TH: variants seen among roughly 807,000 people sequenced by gnomAD.
The protein encoded by TH is tyrosine hydroxylase.
In TH, 49 loss-of-function variants were observed where a neutral mutation model predicts 57.4. That is an observed-to-expected ratio of 0.85 (90% CI 0.68 to 1.08). TH has a LOEUF of 1.08. Among genes scored for constraint, TH ranks in the 50% least tolerant of loss-of-function variants. The pLI, the probability that TH is intolerant of heterozygous loss-of-function variation, is 0.00. For missense variants in TH, 720 were observed against 696.7 expected, an observed-to-expected ratio of 1.03 and a Z score of -0.38; for synonymous variants, 330 against 304.5, an observed-to-expected ratio of 1.08 and a Z score of -0.87.
rs1489590318 is a variant in TH, at chr11:2,170,576, C to T, written c.91-705G>A. ...GGCTCATCCCTTGGAGCTGAACTCC[C>T]AAGAAGGCTCTGGGCCCCTTGTAAG... On this transcript the variant is annotated intron_variant, in intron 1 of 12. Transcript: ENST00000352909. The surrounding 1 kb of genome is among the most constrained non-coding windows in gnomAD (Gnocchi z 6.0). The T allele has an allele frequency of 1.0e-6, 1 of 978,442 alleles. No individual in the cohort carries two copies. 60.6% of individuals were successfully genotyped at this position (978,442 alleles called of 1,614,324 possible). A position where few individuals can be genotyped will look rare whatever the true frequency, so the allele number is the denominator to read the frequency against.
Position 2,167,851 on chromosome 11 carries a change from G to C in TH, c.644+15C>G, listed in dbSNP as rs191712999. The C allele has an allele frequency of 1.3e-6, 2 of 1,593,530 alleles. No individual in the cohort carries two copies. Among genetic ancestry groups the C allele is most frequent in the Non-Finnish European group, 1.7e-6 (2 of 1,169,802 alleles). Reference sequence around the variant, plus strand: ...GCAGGACGGAGTCTGGGTCCCGAGCGCAGGGGCCCCTCACTGCCTGTACTG... The same window carrying C: ...GCAGGACGGAGTCTGGGTCCCGAGCCCAGGGGCCCCTCACTGCCTGTACTG... On this transcript the variant is annotated intron_variant, in intron 5 of 12. Transcript: ENST00000352909.
intron 11 of TH, 88 bp downstream of exon 11, chr11:2,165,580 T>C (rs571575239): frequency 6.9e-7 from 1 of 1,452,658 alleles, no homozygotes; most frequent in African/African-American, 1.4e-5. Flanking sequence ...CAGGCCTCAG[T>C]TTCCTCCCAC....
At position 2,167,179 on chromosome 11, in the gene TH, C is replaced by T. The variant is rs1267733590; in HGVS notation, c.696-147G>A. On this transcript the variant is annotated intron_variant, in intron 6 of 12. Coordinates refer to ENST00000352909, the MANE Select transcript of TH (RefSeq NM_000360.4). ...TGAAGACCCAGGCCCCCGGGAGGGG[C>T]TTTTGCTGGTGGCTTTAGGGAATCC... The T allele has an allele frequency of 1.2e-5, 15 of 1,256,702 alleles. No homozygotes were observed. In the African/African-American group the frequency reaches 1.7e-4, roughly 14 times the overall value. The allele number at this position is 1,256,702 out of a possible 1,614,324, so 77.8% of individuals were successfully genotyped here. A position where few individuals can be genotyped will look rare whatever the true frequency, so the allele number is the denominator to read the frequency against.
chr11:2,164,058 C>A lies in TH; in HGVS notation c.*175G>T. ...CAGGACCTCACCACAGGCAGCACAA[C>A]CTCACCACGGGCACACACAGCTGTT... On this transcript the variant is annotated 3_prime_UTR_variant, in exon 13 of 13. Coordinates refer to ENST00000352909, the MANE Select transcript of TH (RefSeq NM_000360.4). 1 of 534,418 alleles carries A rather than the reference C, an allele frequency of 1.9e-6. No homozygotes were observed. The highest frequency in any genetic ancestry group is 2.9e-6 in the Non-Finnish European group (1 of 341,500). 33.1% of individuals were successfully genotyped at this position (534,418 alleles called of 1,614,324 possible).
At chr11:2,167,975 G>T in intron 4 of TH, 42 bp from the exon 5 acceptor site, 1 of 1,609,746 alleles carries the variant, frequency 6.2e-7, no homozygotes, top group Non-Finnish European at 8.5e-7. Flanking sequence ...GCTGTGCTGG[G>T]GTGGGGGCAC....
At chr11:2,167,630 A>C (rs762612252) in intron 5 of TH, 145 bp from the exon 6 acceptor site, 28 of 1,153,948 alleles carry the variant, frequency 2.4e-5, no homozygotes, top group Non-Finnish European at 3.3e-5. Context: ...GGTGCACCCC[A>C]GCTGACTGTG....
chr11:2,167,797 C>A, intron 5 of TH, 69 bp downstream of exon 5: 1 of 1,528,210 alleles, frequency 6.5e-7, no homozygotes, highest in Admixed American at 1.9e-5. Flanking sequence ...TTGTCCTTCC[C>A]TCCCACCCCC....
In TH at chr11:2,166,558, AGGAG is replaced by A; in HGVS notation, c.978-13_978-10del. On this transcript the variant is annotated splice_polypyrimidine_tract_variant and intron_variant, in intron 8 of 12. Transcript: ENST00000352909. The stretch of plus-strand genomic sequence containing the variant: ...GCTCGTGGCAGCAGTCCCTGCGCGT[AGGAG>A]GGAGAAGGGGGCTGAGGGGCCGCCC... 1 of 1,599,158 alleles carries A rather than the reference AGGAG, an allele frequency of 6.3e-7. No individual in the cohort carries two copies. Among genetic ancestry groups the A allele is most frequent in the Non-Finnish European group, 8.5e-7 (1 of 1,175,040 alleles).
chr11:2,166,598 C>G (rs774359678), intron 8 of TH, 35 bp downstream of exon 8: 7 of 1,584,398 alleles, frequency 4.4e-6, no homozygotes, highest in Non-Finnish European at 5.1e-6. Flanking sequence ...GTCGCACCCC[C>G]CACCCTCGGG....
chr11:2,166,140 C>G (rs1004925802), intron 9 of TH, 82 bp from the exon 10 acceptor site: 111 of 1,450,934 alleles, frequency 7.7e-5, no homozygotes, highest in Non-Finnish European at 1.0e-4. Context: ...TGTCAGCAGC[C>G]CCTCCAGGGG....
chr11:2,164,228 T>C lies in TH; in HGVS notation c.*5A>G, dbSNP rs1846015748. On this transcript the variant is annotated 3_prime_UTR_variant, in exon 13 of 13. Transcript: ENST00000352909. ...TTGGGAAGGGCCCTCAGGGACGCCGTGCACCTAGCCAATGGCACTCAGCGC... is the reference window on the plus strand; with the variant it reads ...TTGGGAAGGGCCCTCAGGGACGCCGCGCACCTAGCCAATGGCACTCAGCGC... The C allele has an allele frequency of 1.4e-6, 2 of 1,452,626 alleles. No homozygotes were observed. Among genetic ancestry groups the C allele is most frequent in the Non-Finnish European group, 1.8e-6 (2 of 1,098,380 alleles). 90.0% of individuals were successfully genotyped at this position (1,452,626 alleles called of 1,614,324 possible).
intron 12 of TH, 111 bp downstream of exon 12, chr11:2,165,121 C>G: frequency 1.3e-6 from 2 of 1,555,362 alleles, no homozygotes; most frequent in Non-Finnish European, 1.8e-6. Flanking sequence ...GGTCGGTTTT[C>G]TCATCTGTGA....
At chr11:2,165,550 G>T in intron 11 of TH, 118 bp downstream of exon 11, 2 of 1,359,670 alleles carry the variant, frequency 1.5e-6, no homozygotes, top group Non-Finnish European at 1.0e-6. Flanking sequence ...CTCCCAAACA[G>T]AGCCTGAGTC....
At chr11:2,166,222 T>C in intron 9 of TH, 164 bp from the exon 10 acceptor site, 1 of 921,192 alleles carries the variant, frequency 1.1e-6, no homozygotes, top group Non-Finnish European at 1.7e-6. Context: ...CCGGGCCTCC[T>C]CCTCCAGGCA....
rs1846110049 is a variant in TH, at chr11:2,166,910, T to C, written c.818A>G (p.Glu273Gly). 2.5e-6 allele frequency: 4 copies of C among 1,604,570 alleles called. No homozygotes were observed. Among genetic ancestry groups the C allele is most frequent in the African/African-American group, 1.3e-5 (1 of 74,838 alleles). Residue 273 changes from glutamate (E) to glycine (G), a missense_variant, in exon 7 of 13, where the codon GAG becomes GGG. Physicochemically the swap from Glu to Gly is moderately conservative, Grantham distance 98 (BLOSUM62 -2). Coordinates refer to ENST00000352909, the MANE Select transcript of TH (RefSeq NM_000360.4). ...ACCCTTCAGGAAGCGGGAGACGTCC[T>C]CCAGCTGGGGGATATTGTCTTCCCG... is the stretch of plus-strand genomic sequence containing the variant. The part of the protein sequence containing the change: ...GYREDNIPQL[E>G]DVSRFLKERT...
At chr11:2,165,586 C>T in intron 11 of TH, 82 bp downstream of exon 11, 1 of 1,484,184 alleles carries the variant, frequency 6.7e-7, no homozygotes, top group Non-Finnish European at 9.3e-7. Flanking sequence ...TCAGTTTCCT[C>T]CCACTGGGAG....
Position 2,170,586 on chromosome 11 carries a change from C to G in TH, c.91-715G>C, listed in dbSNP as rs1846225262. The stretch of plus-strand genomic sequence containing the variant: ...TTGGAGCTGAACTCCCAAGAAGGCT[C>G]TGGGCCCCTTGTAAGAGAAGAATCA... On this transcript the variant is annotated intron_variant, in intron 1 of 12. Transcript: ENST00000352909. This position sits in a 1 kb window ranked among gnomAD's most constrained non-coding sequence, Gnocchi z 6.0. 9.5e-7 allele frequency: 1 copy of G among 1,055,520 alleles called. No homozygotes were observed. Among genetic ancestry groups the G allele is most frequent in the Admixed American group, 2.0e-5 (1 of 50,344 alleles). 65.4% of individuals were successfully genotyped at this position (1,055,520 alleles called of 1,614,324 possible). A position where few individuals can be genotyped will look rare whatever the true frequency, so the allele number is the denominator to read the frequency against.
chr11:2,164,466 G>A, intron 12 of TH, 74 bp from the exon 13 acceptor site: 1 of 1,509,806 alleles, frequency 6.6e-7, no homozygotes, highest in Non-Finnish European at 8.9e-7. Flanking sequence ...GGGAGGCCAG[G>A]GGCCGCGTTT....
rs1174475261 is a variant in TH at position 2,163,957 on chromosome 11, G to A, written c.*276C>T. On this transcript the variant is annotated 3_prime_UTR_variant, in exon 13 of 13. Coordinates refer to ENST00000352909, the MANE Select transcript of TH (RefSeq NM_000360.4). ...AGACCACAGTTTCTTTTATTGTGAC[G>A]GTGATTGGGGCAGCAGACAGTGTCA... The A allele has an allele frequency of 5.9e-6, 2 of 336,700 alleles. No individual in the cohort carries two copies. Among genetic ancestry groups the A allele is most frequent in the Non-Finnish European group, 1.1e-5 (2 of 186,110 alleles). The allele number at this position is 336,700 out of a possible 1,614,324, so 20.9% of individuals were successfully genotyped here.
Sources: gnomAD v4.1 joint callset for allele counts on GRCh38, gnomAD v4.1.1 for gene constraint, Gnocchi (gnomAD v3.1) non-coding constraint, MANE v1.5 for transcripts, NCBI Gene and HGNC (gene_info 2026-07-23, HGNC 2026-07-21) for gene names.